DPH7: variants seen among roughly 807,000 people sequenced by gnomAD.
The protein encoded by DPH7 is diphthine methyltransferase.
A neutral mutation model predicts 41.7 loss-of-function variants in DPH7; 44 were observed. The observed-to-expected ratio is 1.05, with a 90% CI of 0.83 to 1.36. DPH7 has a LOEUF of 1.36. DPH7 is among the 40% of genes most tolerant of loss of function. DPH7 has a pLI of 0.00. For synonymous variants in DPH7, 275 were observed against 238.0 expected (o/e 1.16, Z -1.43); for missense variants, 629 against 577.5 (o/e 1.09, Z -0.91).
chr9:137,577,175 C>T (rs759735270), intron 2 of DPH7, among the ~76,000 whole-genome samples: 2 of 152,176 alleles, frequency 1.3e-5, no homozygotes, highest in Non-Finnish European at 2.9e-5. Flanking sequence ...ATGCCACACA[C>T]CACTGCATTT....
chr9:137,578,357 G>T (rs949257075), intron 1 of DPH7, among the ~76,000 whole-genome samples: 2 of 152,116 alleles, frequency 1.3e-5, no homozygotes, highest in Admixed American at 1.3e-4. Flanking sequence ...TAGTAGAGAC[G>T]GGGTTTCACC....
At position 137,555,440 on chromosome 9, in the gene DPH7, C is replaced by T. The variant is rs763821842; in HGVS notation, c.1158G>A (p.Gly386=). The T allele has an allele frequency of 6.8e-6, 11 of 1,614,108 alleles. No individual in the cohort carries two copies. In the South Asian group the frequency reaches 1.2e-4, roughly 18 times the overall value. The stretch of plus-strand genomic sequence containing the variant: ...CACTCTGGGGTCTGGCATGGCCCTC[C>T]CCATCGTTATCCTCTCTGCATTCAT... ...PCHECREDND[G]EGHARPQSGM... Residue 386 remains glycine (G), a synonymous_variant, in exon 9 of 9, where the codon GGG becomes GGA. Transcript: ENST00000277540.
chr9:137,578,547 TG>T, intron 1 of DPH7, 77 bp downstream of exon 1: 2 of 1,372,354 alleles, frequency 1.5e-6, no homozygotes, highest in Non-Finnish European at 9.4e-7. Flanking sequence ...CTTCATCTCC[TG>T]GGCGATTCGG....
At position 137,556,792 on chromosome 9, in the gene DPH7, G is replaced by C. The variant is rs779825713; in HGVS notation, c.950-1144C>G. On this transcript the variant is annotated intron_variant, in intron 8 of 8. Transcript: ENST00000277540. This position sits in a 1 kb window ranked among gnomAD's most constrained non-coding sequence, Gnocchi z 5.2. ...CAGCAATCGCTCAACACGTCCACTC[G>C]GGCCAGCAGGACCTCTTCTACAGCT... The C allele has an allele frequency of 3.3e-5, 15 of 456,058 alleles. No homozygotes were observed. Among genetic ancestry groups the C allele is most frequent in the Admixed American group, 7.1e-5 (3 of 42,468 alleles). 28.3% of individuals were successfully genotyped at this position (456,058 alleles called of 1,614,324 possible).
chr9:137,577,738 G>A (rs1841671648), intron 1 of DPH7, 135 bp from the exon 2 acceptor site: 2 of 1,182,784 alleles, frequency 1.7e-6, no homozygotes, highest in Non-Finnish European at 1.2e-6. Flanking sequence ...GAGAACCTCT[G>A]GTTTTCTGAG....
chr9:137,577,376 G>A lies in DPH7; in HGVS notation c.287+94C>T, dbSNP rs1049986406. The A allele has an allele frequency of 4.0e-6, 5 of 1,254,582 alleles. No individual in the cohort carries two copies. The Admixed American group carries it at 5.8e-5, about 14-fold the overall frequency. 77.7% of individuals were successfully genotyped at this position (1,254,582 alleles called of 1,614,324 possible). A position where few individuals can be genotyped will look rare whatever the true frequency, so the allele number is the denominator to read the frequency against. On this transcript the variant is annotated intron_variant, in intron 2 of 8. Coordinates refer to ENST00000277540, the MANE Select transcript of DPH7 (RefSeq NM_138778.5). Reference sequence around the variant, plus strand: ...AAAGAAACAAATCCAAAGTTGAGATGCAATGCCTGTCTTGTTGAAGGCATC... The same window carrying A: ...AAAGAAACAAATCCAAAGTTGAGATACAATGCCTGTCTTGTTGAAGGCATC...
At chr9:137,558,210 A>G (rs973335947) in intron 8 of DPH7, among the ~76,000 whole-genome samples, 2 of 152,148 alleles carry the variant, frequency 1.3e-5, no homozygotes, top group Non-Finnish European at 2.9e-5. Context: ...GAACTCTCAG[A>G]CCTGTCTTAG....
intron 8 of DPH7, among the ~76,000 whole-genome samples, chr9:137,558,443 AC>A (rs1837905498): frequency 6.6e-6 from 1 of 152,148 alleles, no homozygotes. Flanking sequence ...GGTGAAAACA[AC>A]CCAAATGTCC....
chr9:137,578,523 G>C, intron 1 of DPH7, 102 bp downstream of exon 1: 1 of 1,273,790 alleles, frequency 7.9e-7, no homozygotes, highest in Non-Finnish European at 1.0e-6. Flanking sequence ...CTGGCCAAAG[G>C]GCCAATATCC....
At chr9:137,557,744 G>C (rs1360539585) in intron 8 of DPH7, among the ~76,000 whole-genome samples, 2 of 151,704 alleles carry the variant, frequency 1.3e-5, no homozygotes, top group African/African-American at 4.9e-5. Flanking sequence ...CCCTGAACCT[G>C]TGAGGTGGAG....
rs1837230933 is a variant in DPH7, at chr9:137,555,118, T to C, written c.*121A>G. 1.6e-6 allele frequency: 2 copies of C among 1,248,804 alleles called. No individual in the cohort carries two copies. The highest frequency in any genetic ancestry group is 3.0e-5 in the Admixed American group (1 of 32,948). The allele number at this position is 1,248,804 out of a possible 1,614,324, so 77.4% of individuals were successfully genotyped here. On this transcript the variant is annotated 3_prime_UTR_variant, in exon 9 of 9. Transcript: ENST00000277540. ...ACAGCTTTTCTGACTACACTGTGGA[T>C]TCCATCAGTGCACAGGCACCTGCAG...
In DPH7 at chr9:137,555,187, T is replaced by C; in HGVS notation, c.*52A>G. 1 of 1,541,854 alleles carries C rather than the reference T, an allele frequency of 6.5e-7. No homozygotes were observed. The highest frequency in any genetic ancestry group is 8.7e-7 in the Non-Finnish European group (1 of 1,143,300). On this transcript the variant is annotated 3_prime_UTR_variant, in exon 9 of 9. Coordinates refer to ENST00000277540, the MANE Select transcript of DPH7 (RefSeq NM_138778.5). The stretch of plus-strand genomic sequence containing the variant: ...TGATGAGGTGGTCCCGGGCACTCAC[T>C]CGCAGTCTCCCTCCTGGTTTCCTTG...
In DPH7 at chr9:137,577,492, A is replaced by C; in HGVS notation, c.265T>G (p.Ser89Ala). The C allele has an allele frequency of 6.2e-7, 1 of 1,614,050 alleles. No homozygotes were observed. The highest frequency in any genetic ancestry group is 8.5e-7 in the Non-Finnish European group (1 of 1,179,972). ...PLVEVQRKDT[S>A]AILDMKWCHI... Reference sequence around the variant, plus strand: ...TACCATTTCATGTCCAGGATTGCAGAAGTATCTTTTCTTTGGACCTCGACC... The same window carrying C: ...TACCATTTCATGTCCAGGATTGCAGCAGTATCTTTTCTTTGGACCTCGACC... Residue 89 changes from serine (S) to alanine (A), a missense_variant, in exon 2 of 9, where the codon TCT becomes GCT. Transcript: ENST00000277540.
chr9:137,578,599 C>A lies in DPH7; in HGVS notation c.153+26G>T. On this transcript the variant is annotated intron_variant, in intron 1 of 8. Transcript: ENST00000277540. ...CAACCTCGTGGCCGGCCCCGCCCTC[C>A]CCTCCCGAAGCCGCGGCGCGCGCAC... The A allele has an allele frequency of 2.1e-6, 3 of 1,457,332 alleles. No homozygotes were observed. The South Asian group carries it at 4.1e-5, about 20-fold the overall frequency. 90.3% of individuals were successfully genotyped at this position (1,457,332 alleles called of 1,614,324 possible). A position where few individuals can be genotyped will look rare whatever the true frequency, so the allele number is the denominator to read the frequency against.
chr9:137,574,545 C>T lies in DPH7; in HGVS notation c.468-165G>A, dbSNP rs935961289. ...CAACCACTGCTAAGCTTGTCAAAGA[C>T]ACCAGTGTCGACTTCTCTAGGTAAA... On this transcript the variant is annotated intron_variant, in intron 4 of 8. Transcript: ENST00000277540. 1.3e-5 allele frequency: 11 copies of T among 861,332 alleles called. No homozygotes were observed. In the Admixed American group the frequency reaches 2.5e-4, roughly 19 times the overall value. The allele number at this position is 861,332 out of a possible 1,614,324, so 53.4% of individuals were successfully genotyped here. A position where few individuals can be genotyped will look rare whatever the true frequency, so the allele number is the denominator to read the frequency against.
At chr9:137,558,392 C>A (rs1037100174) in intron 8 of DPH7, among the ~76,000 whole-genome samples, 3 of 152,086 alleles carry the variant, frequency 2.0e-5, no homozygotes, top group African/African-American at 7.2e-5. Context: ...ACACAAGACC[C>A]TCTCTTTAAA....
At chr9:137,564,798 G>A in intron 7 of DPH7, 95 bp downstream of exon 7, 2 of 1,467,504 alleles carry the variant, frequency 1.4e-6, no homozygotes, top group Non-Finnish European at 1.9e-6. Flanking sequence ...AATGGTGCCA[G>A]GAGGAAAGGC....
intron 8 of DPH7, among the ~76,000 whole-genome samples, chr9:137,560,280 G>A (rs924874241): frequency 2.6e-5 from 4 of 152,082 alleles, no homozygotes; most frequent in Non-Finnish European, 5.9e-5. Context: ...CCAAACAGGC[G>A]GTGGCTGGGA....
At chr9:137,558,121 G>C (rs1837842585) in intron 8 of DPH7, among the ~76,000 whole-genome samples, 1 of 152,126 alleles carries the variant, frequency 6.6e-6, no homozygotes, top group East Asian at 1.9e-4. Flanking sequence ...GGGAGACAGA[G>C]CAAGACTCCG....
Sources: gnomAD v4.1 joint callset for allele counts (sites outside exome capture counted in the v4.1 genomes callset) on GRCh38, gnomAD v4.1.1 for gene constraint, Gnocchi (gnomAD v3.1) non-coding constraint, MANE v1.5 for transcripts, NCBI Gene and HGNC (gene_info 2026-07-23, HGNC 2026-07-21) for gene names.